DNAAF4: variants seen among roughly 807,000 people sequenced by gnomAD.
The protein encoded by DNAAF4 is dynein assembly factor 4, axonemal.
DNAAF4 carries 43 observed loss-of-function variants against 51.8 expected under a neutral mutation model. The observed-to-expected ratio is 0.83, with a 90% CI of 0.65 to 1.07. The LOEUF is 1.07. DNAAF4 is among the 50% of genes least tolerant of loss of function. The pLI, the probability that DNAAF4 is intolerant of heterozygous loss-of-function variation, is 0.00. For synonymous variants in DNAAF4, 194 were observed against 165.6 expected (o/e 1.17, Z -1.32); for missense variants, 581 against 493.0 (o/e 1.18, Z -1.69).
At chr15:55,427,760 C>T (rs1452357159), downstream of DNAAF4, among the ~76,000 whole-genome samples, 1 of 152,040 alleles carries the variant, frequency 6.6e-6, no homozygotes, top group Non-Finnish European at 1.5e-5. Flanking sequence ...CTCAGCATCC[C>T]GAGTAGCTGG....
chr15:55,433,269 C>T (rs2057525226), intron 8 of DNAAF4, among the ~76,000 whole-genome samples: 1 of 151,728 alleles, frequency 6.6e-6, no homozygotes, highest in Admixed American at 6.6e-5. Context: ...CACTGCACTC[C>T]AGCCTGGTGA....
At chr15:55,443,085 A>C (rs955548908) in intron 6 of DNAAF4, 1 of 1,610,722 alleles carries the variant, frequency 6.2e-7, no homozygotes, top group Non-Finnish European at 8.5e-7. Flanking sequence ...AATGGGTTTT[A>C]AAGTCTTGAA....
chr15:55,418,091 G>C (rs199564997), exon 8 of DNAAF4: 5 of 1,580,710 alleles, frequency 3.2e-6, no homozygotes, highest in African/African-American at 2.7e-5. Context: ...CTTAGCTTGG[G>C]CTCAGAGGCC....
At chr15:55,455,874 T>C (rs79677992) in intron 5 of DNAAF4, among the ~76,000 whole-genome samples, 6,179 of 152,100 alleles carry the variant, frequency 0.041, 427 homozygotes, top group African/African-American at 0.14. Context: ...ATTTTTTTTT[T>C]CTGAACATCT....
chr15:55,496,800 T>C (rs1335125006), intron 3 of DNAAF4, among the ~76,000 whole-genome samples: 1 of 152,122 alleles, frequency 6.6e-6, no homozygotes. Flanking sequence ...CCCCAAAATA[T>C]GCTGCTTTCA....
chr15:55,491,323 T>G, intron 3 of DNAAF4, 67 bp from the exon 4 acceptor site: 2 of 1,473,196 alleles, frequency 1.4e-6, no homozygotes, highest in Non-Finnish European at 1.8e-6. Context: ...AGAAAACTAC[T>G]TAAATAAACT....
intron 6 of DNAAF4, chr15:55,442,656 C>T (rs2057732714): frequency 1.3e-6 from 2 of 1,536,014 alleles, no homozygotes; most frequent in East Asian, 2.2e-5. Context: ...TAGCAGGATT[C>T]AGCTTTATAA....
intron 7 of DNAAF4, among the ~76,000 whole-genome samples, chr15:55,420,842 A>C (rs893963809): frequency 6.6e-6 from 1 of 152,092 alleles, no homozygotes; most frequent in Non-Finnish European, 1.5e-5. Flanking sequence ...TACTAACCTA[A>C]AATTCCTACC....
Position 55,430,641 on chromosome 15 carries a change from T to C in DNAAF4, c.*29A>G, listed in dbSNP as rs764578733. 1.9e-5 allele frequency: 31 copies of C among 1,602,420 alleles called. No individual in the cohort carries two copies. The highest frequency in any genetic ancestry group is 2.4e-5 in the Non-Finnish European group (28 of 1,175,168). On this transcript the variant is annotated 3_prime_UTR_variant, in exon 10 of 10. Coordinates refer to ENST00000321149, the MANE Select transcript of DNAAF4 (RefSeq NM_130810.4). The stretch of plus-strand genomic sequence containing the variant: ...CCTCCAGTTGTTTTTAAAAAACTTA[T>C]AACAATACTTAGTTACTTCTAATAG...
intron 5 of DNAAF4, among the ~76,000 whole-genome samples, chr15:55,462,701 T>C (rs1235509329): frequency 1.3e-5 from 2 of 149,032 alleles, no homozygotes; most frequent in Non-Finnish European, 3.0e-5. Flanking sequence ...CTCAACCAAA[T>C]ACTAGCTAAC....
intron 4 of DNAAF4, among the ~76,000 whole-genome samples, chr15:55,485,939 G>A (rs1310321256): frequency 7.0e-6 from 1 of 143,078 alleles, no homozygotes; most frequent in African/African-American, 2.6e-5. Context: ...AGCTTGCAGT[G>A]AGCCAAGACT....
In DNAAF4 at chr15:55,473,309, G is replaced by GTGTATATATA. The variant is rs1567023534; in HGVS notation, c.406-6149_406-6148insTATATATACA. On this transcript the variant is annotated intron_variant, in intron 4 of 9. Coordinates refer to ENST00000321149, the MANE Select transcript of DNAAF4 (RefSeq NM_130810.4). ...TGTATATATATGTGTATATATATGTGTGTATATATGTGTGTATATATATGT... is the reference window on the plus strand; with the variant it reads ...TGTATATATATGTGTATATATATGTGTGTATATATATGTATATATGTGTGTATATATATGT... Among the ~76,000 whole-genome samples, 130 of 124,658 alleles carry GTGTATATATA rather than the reference G, an allele frequency of 1.0e-3. 7 individuals are homozygous for GTGTATATATA. Among genetic ancestry groups the GTGTATATATA allele is most frequent in the African/African-American group, 4.2e-3 (125 of 30,020 alleles). The allele number at this position is 124,658 out of a possible 152,430, so 81.8% of individuals were successfully genotyped here.
rs1374171191 is a variant in DNAAF4, at chr15:55,457,478, T to C, written c.638-7111A>G. On this transcript the variant is annotated intron_variant, in intron 5 of 9. Coordinates refer to ENST00000321149, the MANE Select transcript of DNAAF4 (RefSeq NM_130810.4). ...GGGGCAAGGTTTTCTCTACCTGCTCTATGGCCCTGCCCATCACCTGAGAAA... is the reference window on the plus strand; with the variant it reads ...GGGGCAAGGTTTTCTCTACCTGCTCCATGGCCCTGCCCATCACCTGAGAAA... Among the ~76,000 whole-genome samples the C allele has an allele frequency of 2.6e-5, 4 of 152,116 alleles. No homozygotes were observed. In the South Asian group the frequency reaches 6.2e-4, roughly 24 times the overall value.
At chr15:55,493,432 A>G (rs2058600136) in intron 3 of DNAAF4, among the ~76,000 whole-genome samples, 1 of 152,200 alleles carries the variant, frequency 6.6e-6, no homozygotes, top group Admixed American at 6.5e-5. Context: ...GCCTCTTCTC[A>G]TCTCTCCTGC....
intron 6 of DNAAF4, among the ~76,000 whole-genome samples, chr15:55,448,519 G>GGGTGTGT (rs1555415711): frequency 1.0e-5 from 1 of 99,890 alleles, no homozygotes; most frequent in Non-Finnish European, 1.8e-5. Flanking sequence ...AAAAAAAAAG[G>GGGTGTGT]GTGTGTGTGT....
chr15:55,461,892 ATTAAC>A (rs1392159188), intron 5 of DNAAF4, among the ~76,000 whole-genome samples: 1 of 152,228 alleles, frequency 6.6e-6, no homozygotes, highest in Admixed American at 6.5e-5. Flanking sequence ...CATTAGTAAG[ATTAAC>A]CCAGAAAAGA....
At position 55,430,580 on chromosome 15, in the gene DNAAF4, G is replaced by A. The variant is rs1300463168; in HGVS notation, c.*90C>T. The A allele has an allele frequency of 1.1e-5, 16 of 1,456,804 alleles. No individual in the cohort carries two copies. The highest frequency in any genetic ancestry group is 1.5e-5 in the South Asian group (1 of 68,770). The allele number at this position is 1,456,804 out of a possible 1,614,324, so 90.2% of individuals were successfully genotyped here. On this transcript the variant is annotated 3_prime_UTR_variant, in exon 10 of 10. Coordinates refer to ENST00000321149, the MANE Select transcript of DNAAF4 (RefSeq NM_130810.4). ...AGAACTAAAGTACTAAACAGAAAGC[G>A]ATTCTGTACAACTGGCCATAATATG...
intron 4 of DNAAF4, among the ~76,000 whole-genome samples, chr15:55,490,025 C>G (rs973217757): frequency 1.3e-5 from 2 of 152,042 alleles, no homozygotes; most frequent in South Asian, 4.2e-4. Context: ...AGGTGCCCAC[C>G]ACCACGCGCG....
chr15:55,498,105 G>T, intron 2 of DNAAF4, 102 bp downstream of exon 2: 2 of 1,576,272 alleles, frequency 1.3e-6, no homozygotes, highest in Non-Finnish European at 1.7e-6. Context: ...AATTTAGGAC[G>T]TTTATCGGCA....
Sources: gnomAD v4.1 joint callset for allele counts (sites outside exome capture counted in the v4.1 genomes callset) on GRCh38, gnomAD v4.1.1 for gene constraint, MANE v1.5 for transcripts, NCBI Gene and HGNC (gene_info 2026-07-23, HGNC 2026-07-21) for gene names.